Variants in CD2AP observed in about 807,000 individuals in gnomAD.
CD2AP encodes the protein CD2-associated protein.
CD2AP carries 46 observed loss-of-function variants against 85.1 expected under a neutral mutation model. That is an observed-to-expected ratio of 0.54 (90% confidence interval 0.43 to 0.69). The LOEUF (loss-of-function observed/expected upper bound fraction) is 0.69, where lower values mean the gene tolerates loss of function less well. Among genes scored for constraint, CD2AP ranks in the 30% least tolerant of loss-of-function variants. The probability of loss-of-function intolerance (pLI) is 0.00; values close to 1 mark genes in which losing one functional copy is unlikely to be tolerated. For synonymous variants in CD2AP, 255 were observed against 252.9 expected (o/e 1.01, Z -0.08); for missense variants, 769 against 729.5 (o/e 1.05, Z -0.62).
At chr6:47,584,718 A>C (rs1051721061) in intron 11 of CD2AP, among the ~76,000 whole-genome samples, 3 of 152,060 alleles carry the variant, frequency 2.0e-5, no homozygotes, top group Non-Finnish European at 4.4e-5. Flanking sequence ...TATGCTGCAC[A>C]AACAATTTAT....
chr6:47,562,043 C>T (rs1767877068), intron 5 of CD2AP, among the ~76,000 whole-genome samples: 1 of 152,174 alleles, frequency 6.6e-6, no homozygotes, highest in Non-Finnish European at 1.5e-5. Flanking sequence ...GGATTACAGG[C>T]GTGAGCCACT....
rs112763182 is a variant in CD2AP, at chr6:47,589,551, TACAC to T, written c.1109-6298_1109-6295del. 9.2e-5 allele frequency among the ~76,000 whole-genome samples: 12 copies of T among 130,934 alleles called. No homozygotes were observed. In the East Asian group the frequency reaches 1.9e-3, roughly 21 times the overall value. The allele number at this position is 130,934 out of a possible 152,430, so 85.9% of individuals were successfully genotyped here. A position where few individuals can be genotyped will look rare whatever the true frequency, so the allele number is the denominator to read the frequency against. ...ATATACACATATGTACACATATATA[TACAC>T]ACACACACACATATATATATATATA... On this transcript the variant is annotated intron_variant, in intron 11 of 17. Transcript: ENST00000359314.
At position 47,577,075 on chromosome 6, in the gene CD2AP, AG is replaced by A; in HGVS notation, c.880del (p.Glu294ArgfsTer2). The A allele has an allele frequency of 6.5e-7, 1 of 1,528,946 alleles. No individual in the cohort carries two copies. Among genetic ancestry groups the A allele is most frequent in the Non-Finnish European group, 9.1e-7 (1 of 1,102,834 alleles). The allele number at this position is 1,528,946 out of a possible 1,614,324, so 94.7% of individuals were successfully genotyped here. A position where few individuals can be genotyped will look rare whatever the true frequency, so the allele number is the denominator to read the frequency against. ...GTNEDELTFK[E>X]GEIIHLISKE... Reference sequence around the variant, plus strand: ...AATGAAGATGAACTTACTTTTAAAGAGGGGGAGATAATCCATTTGATAAGTA... The same window carrying A: ...AATGAAGATGAACTTACTTTTAAAGAGGGGAGATAATCCATTTGATAAGTA... On this transcript the variant is annotated frameshift_variant, in exon 8 of 18. Coordinates refer to ENST00000359314, the MANE Select transcript of CD2AP (RefSeq NM_012120.3). LOFTEE classifies it high-confidence loss of function.
At chr6:47,507,471 G>T (rs1240424754) in intron 2 of CD2AP, among the ~76,000 whole-genome samples, 1 of 144,346 alleles carries the variant, frequency 6.9e-6, no homozygotes, top group African/African-American at 2.5e-5. Context: ...CTTACGAAAT[G>T]TGGGCTGGAA....
intron 3 of CD2AP, among the ~76,000 whole-genome samples, chr6:47,534,442 C>T (rs912919883): frequency 1.3e-5 from 2 of 152,222 alleles, no homozygotes; most frequent in African/African-American, 4.8e-5. Flanking sequence ...TGCAGTGGCT[C>T]ACTCCTGTAA....
chr6:47,508,312 G>C (rs909229575), intron 2 of CD2AP, among the ~76,000 whole-genome samples: 2 of 152,154 alleles, frequency 1.3e-5, no homozygotes, highest in Non-Finnish European at 2.9e-5. Flanking sequence ...TTCTCTGTCA[G>C]CACTAGCTGC....
At chr6:47,495,784 A>G (rs1765844040) in intron 1 of CD2AP, among the ~76,000 whole-genome samples, 1 of 152,170 alleles carries the variant, frequency 6.6e-6, no homozygotes, top group South Asian at 2.1e-4. Flanking sequence ...CCAGTTGAGT[A>G]TTTTAAAAAT....
At chr6:47,547,399 AACTTT>A (rs1330736171) in intron 4 of CD2AP, among the ~76,000 whole-genome samples, 1 of 152,186 alleles carries the variant, frequency 6.6e-6, no homozygotes, top group African/African-American at 2.4e-5. Context: ...AGACAAAACA[AACTTT>A]AAATCAACAG....
At chr6:47,618,748 CAA>C (rs1446296161) in intron 17 of CD2AP, among the ~76,000 whole-genome samples, 2 of 152,050 alleles carry the variant, frequency 1.3e-5, no homozygotes, top group African/African-American at 4.8e-5. Context: ...AAAATTATGA[CAA>C]GAGTCAAATT....
intron 11 of CD2AP, among the ~76,000 whole-genome samples, chr6:47,586,474 G>GA (rs1160478870): frequency 6.6e-6 from 1 of 152,120 alleles, no homozygotes; most frequent in African/African-American, 2.4e-5. Context: ...ATGGGGACAT[G>GA]AAAAAACTTA....
intron 11 of CD2AP, 44 bp from the exon 12 acceptor site, chr6:47,595,817 A>G (rs992664960): frequency 6.4e-7 from 1 of 1,557,284 alleles, no homozygotes. Context: ...AAAAACCTAA[A>G]TAATTTTGAT....
rs991255750 is a variant in CD2AP, at chr6:47,580,849, T to C, written c.1009-15T>C. The C allele has an allele frequency of 5.6e-6, 9 of 1,594,980 alleles. No homozygotes were observed. The African/African-American group carries it at 1.1e-4, about 19-fold the overall frequency. ...TGAAACTGGTCAGCCGTTTCCACCA[T>C]TATTATTTTAACAGAAACCAAAGAA... On this transcript the variant is annotated splice_polypyrimidine_tract_variant and intron_variant, in intron 9 of 17. Transcript: ENST00000359314.
At chr6:47,575,386 A>G (rs1275646931) in intron 6 of CD2AP, among the ~76,000 whole-genome samples, 1 of 152,206 alleles carries the variant, frequency 6.6e-6, no homozygotes, top group Non-Finnish European at 1.5e-5. Flanking sequence ...TGATTATATT[A>G]TCTTTTAATC....
intron 17 of CD2AP, among the ~76,000 whole-genome samples, chr6:47,620,956 G>A (rs921608168): frequency 6.6e-6 from 1 of 152,100 alleles, no homozygotes; most frequent in African/African-American, 2.4e-5. Context: ...GAGTCTTGAG[G>A]GTTTTCAAGG....
At chr6:47,503,124 G>T (rs1766040589) in intron 1 of CD2AP, among the ~76,000 whole-genome samples, 156 bp from the exon 2 acceptor site, 1 of 152,144 alleles carries the variant, frequency 6.6e-6, no homozygotes, top group Admixed American at 6.5e-5. Flanking sequence ...TGCTGATGTA[G>T]CCAAATATTT....
intron 1 of CD2AP, among the ~76,000 whole-genome samples, chr6:47,491,656 A>G (rs866988776): frequency 6.6e-6 from 1 of 152,016 alleles, no homozygotes; most frequent in South Asian, 2.1e-4. Flanking sequence ...TTTTGAAGTG[A>G]TTTTTTATTG....
chr6:47,574,736 T>A (rs1390632078), intron 6 of CD2AP, among the ~76,000 whole-genome samples: 1 of 151,992 alleles, frequency 6.6e-6, no homozygotes, highest in Non-Finnish European at 1.5e-5. Context: ...TAAACTTCTT[T>A]GAATGTGTGG....
intron 4 of CD2AP, among the ~76,000 whole-genome samples, chr6:47,547,816 A>T (rs1163025624): frequency 6.6e-6 from 1 of 152,146 alleles, no homozygotes; most frequent in Non-Finnish European, 1.5e-5. Context: ...TTGAAATTAT[A>T]TCAAGCACTC....
intron 17 of CD2AP, among the ~76,000 whole-genome samples, chr6:47,619,159 T>G (rs1263089007): frequency 6.6e-6 from 1 of 152,210 alleles, no homozygotes; most frequent in Non-Finnish European, 1.5e-5. Context: ...TGTGAGATTT[T>G]AGTGCACCCA....
Sources: gnomAD v4.1 joint callset for allele counts (sites outside exome capture counted in the v4.1 genomes callset) on GRCh38, gnomAD v4.1.1 for gene constraint, MANE v1.5 for transcripts, NCBI Gene and HGNC (gene_info 2026-07-23, HGNC 2026-07-21) for gene names.